The following ABCB5 variants were observed in gnomAD, a reference collection of about 807,000 sequenced individuals.
The protein encoded by ABCB5 is ATP-binding cassette sub-family B member 5.
ABCB5 carries 155 observed loss-of-function variants against 144.2 expected under a neutral mutation model. The ratio of observed to expected loss-of-function variants is 1.08; its 90% confidence interval spans 0.94 to 1.23. The LOEUF (loss-of-function observed/expected upper bound fraction) is 1.23, where lower values mean the gene tolerates loss of function less well. Ranked by LOEUF, ABCB5 falls within the 50% of genes most tolerant of loss-of-function variation. The pLI, the probability that ABCB5 is intolerant of heterozygous loss-of-function variation, is 0.00. For synonymous variants in ABCB5, 610 were observed against 528.6 expected (o/e 1.15, Z -2.11); for missense variants, 1,830 against 1,520.8 (o/e 1.20, Z -3.38).
At chr7:20,685,375 C>A (rs1785961632) in intron 15 of ABCB5, among the ~76,000 whole-genome samples, 1 of 152,178 alleles carries the variant, frequency 6.6e-6, no homozygotes. Context: ...GAAACAGTAT[C>A]TTCTGTCTCA....
chr7:20,677,025 A>G (rs1186327214), intron 14 of ABCB5, among the ~76,000 whole-genome samples: 1 of 152,216 alleles, frequency 6.6e-6, no homozygotes, highest in Non-Finnish European at 1.5e-5. Context: ...ATTACCTTGT[A>G]ATGTATTAAT....
rs138033801 is a variant in ABCB5 at position 20,751,214 on chromosome 7, G to A, written c.3430-2146G>A. Among the ~76,000 whole-genome samples the A allele has an allele frequency of 9.9e-5, 15 of 152,174 alleles. No homozygotes were observed. In the East Asian group the frequency reaches 2.9e-3, roughly 29 times the overall value. On this transcript the variant is annotated intron_variant, in intron 26 of 27. Transcript: ENST00000404938. ...ACCATCCCAGTGATTGCCAGAAAATGGATTCAAATTTTCGGCTAAAGAGAA... is the reference window on the plus strand; with the variant it reads ...ACCATCCCAGTGATTGCCAGAAAATAGATTCAAATTTTCGGCTAAAGAGAA...
At chr7:20,726,356 A>ACCT (rs1782035009) in intron 21 of ABCB5, among the ~76,000 whole-genome samples, 1 of 65,788 alleles carries the variant, frequency 1.5e-5, no homozygotes, top group East Asian at 5.2e-4. Context: ...TATCTCTGCT[A>ACCT]TCTTTTTTTT....
At chr7:20,655,775 G>C (rs1784769062) in intron 13 of ABCB5, among the ~76,000 whole-genome samples, 1 of 152,146 alleles carries the variant, frequency 6.6e-6, no homozygotes, top group African/African-American at 2.4e-5. Context: ...AATCTCACCA[G>C]TTTTTATGTG....
chr7:20,640,591 G>A (rs952626914), intron 5 of ABCB5, among the ~76,000 whole-genome samples: 1 of 152,046 alleles, frequency 6.6e-6, no homozygotes, highest in Non-Finnish European at 1.5e-5. Flanking sequence ...AGAAAAACTT[G>A]GCACTAAATA....
chr7:20,679,546 G>C (rs1251060142), intron 14 of ABCB5, among the ~76,000 whole-genome samples: 3 of 150,076 alleles, frequency 2.0e-5, no homozygotes, highest in Admixed American at 2.0e-4. Flanking sequence ...GTAATACATG[G>C]TATTTAACAA....
rs147442783 is a variant in ABCB5 at position 20,740,449 on chromosome 7, A to G, written c.3024+1310A>G. 9.8e-5 allele frequency among the ~76,000 whole-genome samples: 15 copies of G among 152,310 alleles called. No individual in the cohort carries two copies. In the East Asian group the frequency reaches 2.9e-3, roughly 29 times the overall value. On this transcript the variant is annotated intron_variant, in intron 24 of 27. Transcript: ENST00000404938. ...TAAAATACAGCATTACTAGAGCTAC[A>G]CAATGGTTAAGAAGAATGCCTGTTA...
chr7:20,641,072 C>T (rs190982558), intron 5 of ABCB5, among the ~76,000 whole-genome samples: 8 of 152,262 alleles, frequency 5.3e-5, no homozygotes, highest in African/African-American at 1.9e-4. Flanking sequence ...CCCCCTCTCT[C>T]GTGCTTCCAT....
intron 16 of ABCB5, among the ~76,000 whole-genome samples, chr7:20,686,231 A>G (rs977064284): frequency 6.6e-6 from 1 of 152,182 alleles, no homozygotes; most frequent in African/African-American, 2.4e-5. Flanking sequence ...CCCAGCACAT[A>G]CACCACCCAG....
intron 27 of ABCB5, among the ~76,000 whole-genome samples, chr7:20,754,733 G>A (rs1323701363): frequency 6.6e-6 from 1 of 152,098 alleles, no homozygotes. Flanking sequence ...TCCTGACTTT[G>A]AGTTTAGAAC....
intron 19 of ABCB5, among the ~76,000 whole-genome samples, chr7:20,704,181 T>A (rs1051072740): frequency 1.4e-5 from 2 of 142,434 alleles, no homozygotes; most frequent in Non-Finnish European, 3.0e-5. Flanking sequence ...GCTCAAGCAA[T>A]CCTCCCCACC....
At chr7:20,653,387 G>C (rs1323988985) in intron 13 of ABCB5, among the ~76,000 whole-genome samples, 1 of 152,176 alleles carries the variant, frequency 6.6e-6, no homozygotes, top group African/African-American at 2.4e-5. Flanking sequence ...ATTTAGGTAG[G>C]TAAAAAATTG....
At chr7:20,714,806 C>T (rs1259840620) in intron 20 of ABCB5, among the ~76,000 whole-genome samples, 1 of 152,146 alleles carries the variant, frequency 6.6e-6, no homozygotes, top group Non-Finnish European at 1.5e-5. Flanking sequence ...AAACAAAAAA[C>T]TCAAATAGAG....
chr7:20,734,026 G>A (rs1372096097), intron 23 of ABCB5, among the ~76,000 whole-genome samples: 1 of 152,142 alleles, frequency 6.6e-6, no homozygotes, highest in Non-Finnish European at 1.5e-5. Context: ...AGATTCTCTA[G>A]GGATTCTCCT....
chr7:20,729,389 A>G (rs979284404), intron 23 of ABCB5, among the ~76,000 whole-genome samples: 5 of 152,176 alleles, frequency 3.3e-5, no homozygotes, highest in African/African-American at 1.2e-4. Context: ...GTGAGGATGA[A>G]TTATTTGCTA....
At chr7:20,677,147 T>C (rs1204539976) in intron 14 of ABCB5, among the ~76,000 whole-genome samples, 1 of 152,232 alleles carries the variant, frequency 6.6e-6, no homozygotes, top group African/African-American at 2.4e-5. Context: ...CTGTTGTTCA[T>C]AAAACTTGTT....
At chr7:20,627,879 T>G (rs1433482467) in intron 3 of ABCB5, among the ~76,000 whole-genome samples, 1 of 152,216 alleles carries the variant, frequency 6.6e-6, no homozygotes, top group Non-Finnish European at 1.5e-5. Flanking sequence ...AAGATATTGT[T>G]GTTGCAGTCT....
chr7:20,678,557 T>C (rs1785685261), intron 14 of ABCB5, among the ~76,000 whole-genome samples: 1 of 152,180 alleles, frequency 6.6e-6, no homozygotes, highest in Non-Finnish European at 1.5e-5. Context: ...CGATTGTTGA[T>C]TCCCTGGCAA....
At chr7:20,708,982 C>A (rs548078579) in intron 20 of ABCB5, among the ~76,000 whole-genome samples, 1 of 152,144 alleles carries the variant, frequency 6.6e-6, no homozygotes. Flanking sequence ...TCAAATTCAA[C>A]GTTGGCTCCT....
Sources: gnomAD v4.1 joint callset for allele counts (sites outside exome capture counted in the v4.1 genomes callset) on GRCh38, gnomAD v4.1.1 for gene constraint, MANE v1.5 for transcripts, NCBI Gene and HGNC (gene_info 2026-07-23, HGNC 2026-07-21) for gene names.